Variants in GRM7 observed in about 807,000 individuals in gnomAD.
GRM7 encodes metabotropic glutamate receptor 7.
GRM7 carries 35 observed loss-of-function variants against 84.5 expected under a neutral mutation model. The observed-to-expected ratio is 0.41, with a 90% CI of 0.32 to 0.55. GRM7 has a LOEUF of 0.55. GRM7 is among the 20% of genes least tolerant of loss of function. The pLI is 0.19. For synonymous variants in GRM7, 487 were observed against 455.1 expected, an observed-to-expected ratio of 1.07 and a Z score of -0.89; for missense variants, 1,003 against 1,194.6, an observed-to-expected ratio of 0.84 and a Z score of 2.36.
chr3:7,313,002 C>G (rs1237375253), intron 4 of GRM7, among the ~76,000 whole-genome samples: 2 of 148,448 alleles, frequency 1.3e-5, no homozygotes, highest in African/African-American at 2.5e-5. Flanking sequence ...GATCTCGGCT[C>G]ACTGCACCCT....
chr3:7,243,590 A>C lies in GRM7; in HGVS notation c.737-55094A>C, dbSNP rs373070430. Among the ~76,000 whole-genome samples the C allele has an allele frequency of 6.0e-4, 91 of 152,248 alleles. 2 individuals are homozygous for C. The South Asian group carries it at 0.018, about 31-fold the overall frequency. ...GACATGAACCCATTCTAAACCAATC[A>C]CTATTCTCAGGAGAATGTAGTTCAT... On this transcript the variant is annotated intron_variant, in intron 2 of 9. Coordinates refer to ENST00000357716, the MANE Select transcript of GRM7 (RefSeq NM_000844.4).
intron 1 of GRM7, among the ~76,000 whole-genome samples, chr3:7,103,658 T>A (rs1699183218): frequency 6.6e-6 from 1 of 151,836 alleles, no homozygotes; most frequent in African/African-American, 2.4e-5. Flanking sequence ...AATTATATAC[T>A]AACATTTGAT....
intron 3 of GRM7, among the ~76,000 whole-genome samples, chr3:7,302,602 T>C (rs911328009): frequency 3.3e-5 from 5 of 152,186 alleles, no homozygotes; most frequent in Non-Finnish European, 7.4e-5. Flanking sequence ...CTTTTAACTA[T>C]GCATATATAC....
At chr3:7,266,971 A>G (rs1698665444) in intron 2 of GRM7, among the ~76,000 whole-genome samples, 1 of 152,212 alleles carries the variant, frequency 6.6e-6, no homozygotes. Context: ...AGGGCCATTT[A>G]TCTTAATTTG....
intron 2 of GRM7, among the ~76,000 whole-genome samples, chr3:7,172,745 A>G (rs1443885219): frequency 6.6e-6 from 1 of 152,072 alleles, no homozygotes; most frequent in African/African-American, 2.4e-5. Context: ...GAAGGATTAC[A>G]TCCAGTGGTC....
chr3:7,431,944 C>T (rs1399791302), intron 5 of GRM7, among the ~76,000 whole-genome samples: 1 of 151,906 alleles, frequency 6.6e-6, no homozygotes. Context: ...TTCTTTAGTC[C>T]TGAGAAGAAG....
At chr3:7,648,607 C>T (rs1027736698) in intron 8 of GRM7, among the ~76,000 whole-genome samples, 4 of 151,470 alleles carry the variant, frequency 2.6e-5, no homozygotes, top group African/African-American at 9.7e-5. Flanking sequence ...TGAAATTGCA[C>T]CACTGCACTC....
intron 1 of GRM7, among the ~76,000 whole-genome samples, chr3:6,931,476 C>A (rs911017739): frequency 6.6e-6 from 1 of 152,092 alleles, no homozygotes; most frequent in Admixed American, 6.6e-5. Context: ...CCAAACTATT[C>A]ATTTGTTCCT....
intron 1 of GRM7, among the ~76,000 whole-genome samples, chr3:6,961,764 T>A (rs1693307561): frequency 6.6e-6 from 1 of 152,166 alleles, no homozygotes; most frequent in Admixed American, 6.6e-5. Flanking sequence ...AACCATCCAC[T>A]CATGTCCTGT....
At chr3:7,556,601 G>T (rs1429542548) in intron 7 of GRM7, among the ~76,000 whole-genome samples, 3 of 152,176 alleles carry the variant, frequency 2.0e-5, no homozygotes, top group Non-Finnish European at 2.9e-5. Flanking sequence ...ACTAACTGAT[G>T]AGGACTCAAC....
chr3:7,260,991 A>G (rs563350079), intron 2 of GRM7, among the ~76,000 whole-genome samples: 3 of 152,192 alleles, frequency 2.0e-5, no homozygotes, highest in South Asian at 2.1e-4. Flanking sequence ...AAGTCATTCA[A>G]TGCCTTCCCT....
chr3:7,330,511 C>A (rs552391247), intron 4 of GRM7, among the ~76,000 whole-genome samples: 2 of 152,244 alleles, frequency 1.3e-5, no homozygotes, highest in South Asian at 4.1e-4. Context: ...TCCTGTAATT[C>A]CCACATGTTG....
chr3:7,661,443 A>AT (rs1476414253), intron 8 of GRM7, among the ~76,000 whole-genome samples: 4 of 152,176 alleles, frequency 2.6e-5, no homozygotes, highest in African/African-American at 9.6e-5. Context: ...AAGATTGACC[A>AT]TATCAAATGT....
intron 4 of GRM7, among the ~76,000 whole-genome samples, chr3:7,324,559 C>T (rs1485003166): frequency 1.3e-5 from 2 of 152,126 alleles, no homozygotes; most frequent in African/African-American, 2.4e-5. Flanking sequence ...GGTGTACCTA[C>T]GGGTCCCCTC....
At chr3:7,330,722 T>C (rs766774265) in intron 4 of GRM7, among the ~76,000 whole-genome samples, 1 of 152,220 alleles carries the variant, frequency 6.6e-6, no homozygotes, top group Non-Finnish European at 1.5e-5. Context: ...CCCAGCCACG[T>C]GGAACGTGAG....
chr3:7,128,673 A>C, intron 1 of GRM7, among the ~76,000 whole-genome samples: 1 of 138,484 alleles, frequency 7.2e-6, no homozygotes, highest in Non-Finnish European at 1.6e-5. Flanking sequence ...CGCCCAGCTA[A>C]TTTTTTCATA....
At chr3:7,593,781 T>G (rs947722976) in intron 8 of GRM7, among the ~76,000 whole-genome samples, 2 of 152,066 alleles carry the variant, frequency 1.3e-5, no homozygotes, top group Non-Finnish European at 2.9e-5. Flanking sequence ...AATGGGAAGC[T>G]TTAGAAACTG....
chr3:7,674,011 C>T (rs913773812), intron 8 of GRM7, among the ~76,000 whole-genome samples: 2 of 152,034 alleles, frequency 1.3e-5, no homozygotes, highest in Non-Finnish European at 1.5e-5. Context: ...AGGAATTATC[C>T]TGACTGGGGA....
At chr3:7,249,492 T>A (rs1697898151) in intron 2 of GRM7, among the ~76,000 whole-genome samples, 1 of 152,202 alleles carries the variant, frequency 6.6e-6, no homozygotes, top group Admixed American at 6.5e-5. Flanking sequence ...GGAAATATTT[T>A]GAATGCTTAT....
Sources: allele counts gnomAD v4.1 joint callset (sites outside exome capture counted in the v4.1 genomes callset), GRCh38; gene constraint gnomAD v4.1.1; transcripts MANE v1.5; gene names NCBI Gene and HGNC (gene_info 2026-07-23, HGNC 2026-07-21).